The following FNDC3A variants were observed in gnomAD, a reference collection of about 807,000 sequenced individuals.
FNDC3A encodes fibronectin type-III domain-containing protein 3A.
In FNDC3A, 32 loss-of-function variants were observed where a neutral mutation model predicts 148.9. That is an observed-to-expected ratio of 0.21 (90% CI 0.16 to 0.29). The LOEUF is 0.29. FNDC3A is among the 10% of genes least tolerant of loss of function. The probability of loss-of-function intolerance (pLI) is 1.00; values close to 1 mark genes in which losing one functional copy is unlikely to be tolerated. For synonymous variants in FNDC3A, 472 were observed against 473.6 expected (o/e 1.00, Z 0.04); for missense variants, 1,191 against 1,452.8 (o/e 0.82, Z 2.93).
intron 2 of FNDC3A, among the ~76,000 whole-genome samples, chr13:49,062,966 A>G (rs1339742964): frequency 6.6e-6 from 1 of 152,056 alleles, no homozygotes; most frequent in Non-Finnish European, 1.5e-5. Context: ...GTTTATCTTC[A>G]TTTGTACTTA....
chr13:49,195,684 T>C (rs533909004), intron 19 of FNDC3A, among the ~76,000 whole-genome samples: 7 of 152,268 alleles, frequency 4.6e-5, no homozygotes, highest in Non-Finnish European at 4.4e-5. Flanking sequence ...TAAAAATAAA[T>C]AACTTGGAAT....
chr13:48,979,765 A>G (rs780464755), intron 1 of FNDC3A, among the ~76,000 whole-genome samples: 20 of 152,008 alleles, frequency 1.3e-4, no homozygotes, highest in South Asian at 2.1e-4. Flanking sequence ...GTGCTAGATA[A>G]TTAAATATTT....
rs1263672422 is a variant in FNDC3A at position 49,144,025 on chromosome 13, A to ACTG, written c.820-1751_820-1750insGCT. ...TACTACTACTACTGCTACTACTACTACTACTACTAATAATAATAATAATAA... is the reference window on the plus strand; with the variant it reads ...TACTACTACTACTGCTACTACTACTACTGCTACTACTAATAATAATAATAATAA... On this transcript the variant is annotated intron_variant, in intron 7 of 25. Transcript: ENST00000492622. Among the ~76,000 whole-genome samples the ACTG allele has an allele frequency of 1.6e-3, 235 of 149,564 alleles. 2 individuals are homozygous for ACTG. Among genetic ancestry groups the ACTG allele is most frequent in the African/African-American group, 5.3e-3 (214 of 40,558 alleles).
intron 19 of FNDC3A, among the ~76,000 whole-genome samples, chr13:49,191,847 CTA>C (rs1334935048): frequency 6.6e-6 from 1 of 152,050 alleles, no homozygotes; most frequent in Non-Finnish European, 1.5e-5. Context: ...ATGCTTGAAA[CTA>C]TTCTGGTTTT....
At chr13:49,159,083 G>A (rs1019643305) in intron 8 of FNDC3A, among the ~76,000 whole-genome samples, 2 of 152,172 alleles carry the variant, frequency 1.3e-5, no homozygotes, top group African/African-American at 4.8e-5. Context: ...TTTTGGCTTA[G>A]GATTGTCTTG....
intron 3 of FNDC3A, among the ~76,000 whole-genome samples, chr13:49,085,039 C>T (rs1170093814): frequency 6.6e-6 from 1 of 152,098 alleles, no homozygotes; most frequent in Non-Finnish European, 1.5e-5. Flanking sequence ...CTTCTTCCTG[C>T]CATTACAGGT....
At chr13:49,119,295 A>G (rs547298170) in intron 4 of FNDC3A, among the ~76,000 whole-genome samples, 1 of 152,344 alleles carries the variant, frequency 6.6e-6, no homozygotes, top group African/African-American at 2.4e-5. Flanking sequence ...AAAGAAAGGA[A>G]TAGCAACAAC....
Position 49,136,394 on chromosome 13 carries a change from C to T in FNDC3A, c.553C>T (p.Arg185Cys), listed in dbSNP as rs1161716314. The change falls in exon 6 of 26, where the codon CGT (arginine) becomes TGT (cysteine). Residue 185 changes from arginine to cysteine, a missense_variant. By Grantham distance (180) the Arg-to-Cys change is radical. Transcript: ENST00000492622. ...TGAACGATCTAGTAAAACATATGAA[C>T]GTTTGCAGAAAAAATTGAAGGATCG... ...RDERSSKTYE[R>C]LQKKLKDRQG... is the part of the protein sequence containing the mutation. The T allele has an allele frequency of 2.5e-6, 4 of 1,613,760 alleles. No homozygotes were observed. Among genetic ancestry groups the T allele is most frequent in the East Asian group, 2.2e-5 (1 of 44,880 alleles).
chr13:49,162,689 G>C (rs941607789), intron 8 of FNDC3A, among the ~76,000 whole-genome samples: 2 of 152,168 alleles, frequency 1.3e-5, no homozygotes, highest in Non-Finnish European at 2.9e-5. Flanking sequence ...GAGAAGGGGT[G>C]CTCTGGTTTT....
intron 8 of FNDC3A, among the ~76,000 whole-genome samples, chr13:49,166,603 G>C (rs1301539945): frequency 6.6e-6 from 1 of 152,136 alleles, no homozygotes; most frequent in East Asian, 1.9e-4. Flanking sequence ...AAGGGTCTAG[G>C]GTCTTTCCCA....
At chr13:49,186,249 T>A (rs929946635) in intron 15 of FNDC3A, 147 bp downstream of exon 15, 5 of 592,568 alleles carry the variant, frequency 8.4e-6, no homozygotes, top group Non-Finnish European at 1.4e-5. Flanking sequence ...TTGGGTATGT[T>A]TTTTGTGGAA....
chr13:49,114,604 T>C lies in FNDC3A; in HGVS notation c.176-51T>C, dbSNP rs1187834546. On this transcript the variant is annotated intron_variant, in intron 3 of 25. Transcript: ENST00000492622. ...ATGTAATTCAAATTGTTTTCAACTTTAGCCTGATAAGCAATCATGGGTTAA... is the reference window on the plus strand; with the variant it reads ...ATGTAATTCAAATTGTTTTCAACTTCAGCCTGATAAGCAATCATGGGTTAA... 6.5e-6 allele frequency: 8 copies of C among 1,224,178 alleles called. No individual in the cohort carries two copies. In the African/African-American group the frequency reaches 1.2e-4, roughly 18 times the overall value. The allele number at this position is 1,224,178 out of a possible 1,614,324, so 75.8% of individuals were successfully genotyped here.
chr13:49,168,721 G>T lies in FNDC3A; in HGVS notation c.1146G>T (p.Arg382=). The change falls in exon 10 of 26, where the codon CGG becomes CGT. Residue 382 remains arginine, a synonymous_variant. Coordinates refer to ENST00000492622, the MANE Select transcript of FNDC3A (RefSeq NM_001079673.2). ...DIPNPPRIAN[R]TKNSLTLQWK... ...CTAATCCACCAAGGATAGCCAATCGGACCAAAAATTCACTCACTTTGCAAT... is the reference window on the plus strand; with the variant it reads ...CTAATCCACCAAGGATAGCCAATCGTACCAAAAATTCACTCACTTTGCAAT... The T allele has an allele frequency of 1.2e-6, 2 of 1,613,526 alleles. No homozygotes were observed. The highest frequency in any genetic ancestry group is 1.7e-6 in the Non-Finnish European group (2 of 1,179,674).
At chr13:49,017,018 C>A (rs1200399695) in intron 2 of FNDC3A, among the ~76,000 whole-genome samples, 1 of 151,694 alleles carries the variant, frequency 6.6e-6, no homozygotes. Flanking sequence ...AGCTTTACTT[C>A]CAAGTATGTG....
chr13:49,046,879 T>C (rs2137701518), intron 2 of FNDC3A: 1 of 152,268 alleles, frequency 6.6e-6, no homozygotes, highest in Admixed American at 6.5e-5. Flanking sequence ...AGTAGGTTTT[T>C]GGGAAACAGT....
intron 3 of FNDC3A, among the ~76,000 whole-genome samples, chr13:49,098,979 G>T (rs1347953300): frequency 2.6e-5 from 4 of 152,026 alleles, no homozygotes; most frequent in Admixed American, 2.0e-4. Context: ...CTAGATCAAG[G>T]CTTACACTAA....
intron 8 of FNDC3A, among the ~76,000 whole-genome samples, chr13:49,147,987 G>A (rs1210777001): frequency 1.3e-5 from 2 of 152,114 alleles, no homozygotes; most frequent in Non-Finnish European, 2.9e-5. Context: ...ATGATGTAGA[G>A]TATTTTTTCA....
At chr13:49,018,144 G>A (rs1429756608) in intron 2 of FNDC3A, among the ~76,000 whole-genome samples, 2 of 150,982 alleles carry the variant, frequency 1.3e-5, no homozygotes, top group South Asian at 2.1e-4. Context: ...TCTGAACGTT[G>A]GCCTGTCTTG....
chr13:49,050,009 G>C (rs559838083), intron 2 of FNDC3A, among the ~76,000 whole-genome samples: 98 of 152,186 alleles, frequency 6.4e-4, no homozygotes, highest in African/African-American at 2.0e-3. Context: ...CGTGAGCCAC[G>C]GCGAACAGCC....
Sources: gnomAD v4.1 joint callset for allele counts (sites outside exome capture counted in the v4.1 genomes callset) on GRCh38, gnomAD v4.1.1 for gene constraint, MANE v1.5 for transcripts, NCBI Gene and HGNC (gene_info 2026-07-23, HGNC 2026-07-21) for gene names.